SPINK13: variants seen among roughly 807,000 people sequenced by gnomAD.
SPINK13 encodes the protein serine peptidase inhibitor Kazal type 13, also known as serine protease inhibitor Kazal-type 13.
Under a neutral mutation model 11.0 loss-of-function variants are expected in SPINK13, and 11 were observed. The ratio of observed to expected loss-of-function variants is 1.00; its 90% confidence interval spans 0.63 to 1.65. SPINK13 has a LOEUF of 1.65. Among genes scored for constraint, SPINK13 ranks in the 40% most tolerant of loss-of-function variants. SPINK13 has a pLI of 0.00. For synonymous variants in SPINK13, 31 were observed against 35.6 expected (o/e 0.87, Z 0.46); for missense variants, 113 against 117.7 (o/e 0.96, Z 0.19).
chr5:148,271,745 C>T (rs1259428701), intron 2 of SPINK13, among the ~76,000 whole-genome samples: 1 of 152,178 alleles, frequency 6.6e-6, no homozygotes, highest in African/African-American at 2.4e-5. Flanking sequence ...CTGCCTCAGC[C>T]TCCCGAGTAG....
intron 1 of SPINK13, 59 bp downstream of exon 1, chr5:148,268,947 C>T (rs7734352): frequency 0.14 from 22,133 of 152,690 alleles, 3,702 homozygotes; most frequent in African/African-American, 0.4. Flanking sequence ...TCTCTTCAGC[C>T]TTCCTCTCTG....
chr5:148,273,260 AT>A (rs1228008024), intron 2 of SPINK13, among the ~76,000 whole-genome samples: 1 of 150,924 alleles, frequency 6.6e-6, no homozygotes, highest in Admixed American at 6.6e-5. Flanking sequence ...GTATATGTTT[AT>A]TTTTTGCCAG....
Position 148,282,018 on chromosome 5 carries a change from AT to A in SPINK13, c.109-80del, listed in dbSNP as rs11296930. 78,765 of 1,551,514 alleles carry A rather than the reference AT, an allele frequency of 0.051. 19,388 individuals carry two copies. In the African/African-American group the frequency reaches 0.68, roughly 13 times the overall value. On this transcript the variant is annotated intron_variant, in intron 3 of 4. Transcript: ENST00000398450. ...CAATTGACTGGTATGATTTAATATT[AT>A]TTTTTAAGTGGGGCAGAAGTGACAG...
rs537299386 is a variant in SPINK13 at position 148,277,132 on chromosome 5, C to T, written c.108+2748C>T. On this transcript the variant is annotated intron_variant, in intron 3 of 4. Coordinates refer to ENST00000398450, the MANE Select transcript of SPINK13 (RefSeq NM_001040129.3). Reference sequence around the variant, plus strand: ...GATTTTTGCACATTGATTTTGTATCCTGAGACTTTGCTGAAGTTGCTTATC... The same window carrying T: ...GATTTTTGCACATTGATTTTGTATCTTGAGACTTTGCTGAAGTTGCTTATC... Among the ~76,000 whole-genome samples the T allele has an allele frequency of 5.9e-5, 9 of 152,232 alleles. No homozygotes were observed. The South Asian group carries it at 1.9e-3, about 32-fold the overall frequency.
intron 3 of SPINK13, among the ~76,000 whole-genome samples, chr5:148,279,658 T>C (rs2113371850): frequency 6.6e-6 from 1 of 152,296 alleles, no homozygotes; most frequent in South Asian, 2.1e-4. Flanking sequence ...CACTGTTAGT[T>C]TGATGGGCTT....
In SPINK13 at chr5:148,282,184, A is replaced by G; in HGVS notation, c.189A>G (p.Ser63=). 6.2e-7 allele frequency: 1 copy of G among 1,614,220 alleles called. No individual in the cohort carries two copies. The highest frequency in any genetic ancestry group is 8.5e-7 in the Non-Finnish European group (1 of 1,180,034). Residue 63 remains serine, a synonymous_variant, in exon 4 of 5, where the codon TCA becomes TCG. Coordinates refer to ENST00000398450, the MANE Select transcript of SPINK13 (RefSeq NM_001040129.3). ...CPNVTAPVCA[S]NGHTFQNECF... ...ATGTGACAGCACCTGTTTGTGCCTC[A>G]AATGGCCACACTTTCCAGAATGAGT...
rs200767838 is a variant in SPINK13 at position 148,269,379 on chromosome 5, A to C, written c.-34+491A>C. On this transcript the variant is annotated intron_variant, in intron 1 of 4. Transcript: ENST00000398450. ...CTAGCATCTCACTCAATTCAAGGTC[A>C]TATGTCATATGTTTTTTGTTTTTTT... Among the ~76,000 whole-genome samples, 13 of 152,278 alleles carry C rather than the reference A, an allele frequency of 8.5e-5. No homozygotes were observed. In the East Asian group the frequency reaches 2.3e-3, roughly 27 times the overall value.
intron 3 of SPINK13, among the ~76,000 whole-genome samples, chr5:148,280,371 G>C (rs1434766003): frequency 6.6e-6 from 1 of 152,104 alleles, no homozygotes; most frequent in Non-Finnish European, 1.5e-5. Context: ...GGCTTTCTGA[G>C]CTTTGAAATT....
chr5:148,281,620 G>A (rs1255031936), intron 3 of SPINK13, among the ~76,000 whole-genome samples: 1 of 152,156 alleles, frequency 6.6e-6, no homozygotes, highest in African/African-American at 2.4e-5. Context: ...TGTACCCACT[G>A]TCTAACCAGT....
chr5:148,272,466 T>C (rs1319726132), intron 2 of SPINK13, among the ~76,000 whole-genome samples: 6 of 152,220 alleles, frequency 3.9e-5, no homozygotes, highest in Non-Finnish European at 8.8e-5. Flanking sequence ...TTAGTATGGT[T>C]TGTGGAAAGG....
intron 3 of SPINK13, among the ~76,000 whole-genome samples, chr5:148,281,440 T>A (rs1756513443): frequency 6.6e-6 from 1 of 152,140 alleles, no homozygotes; most frequent in African/African-American, 2.4e-5. Flanking sequence ...AATCTCCTGG[T>A]CTGCAGGTTG....
At chr5:148,281,296 T>A (rs113510074) in intron 3 of SPINK13, among the ~76,000 whole-genome samples, 12,741 of 152,082 alleles carry the variant, frequency 0.084, 1,512 homozygotes, top group African/African-American at 0.26. Flanking sequence ...AGTGAACAGT[T>A]CTGTCTCCCT....
At position 148,282,104 on chromosome 5, in the gene SPINK13, C is replaced by T. The variant is rs1756524251; in HGVS notation, c.109C>T (p.Pro37Ser). The T allele has an allele frequency of 1.2e-6, 2 of 1,613,968 alleles. No homozygotes were observed. Among genetic ancestry groups the T allele is most frequent in the Non-Finnish European group, 1.7e-6 (2 of 1,179,922 alleles). Reference protein sequence around the residue: ...NKRDFTRWPKPRCKMYIPLDP... With the variant: ...NKRDFTRWPKSRCKMYIPLDP... ...ACTTTATGGTGTCATGTATTTGCAG[C>T]CCCGATGTAAAATGTATATCCCACT... Residue 37 changes from proline (P) to serine (S), a missense_variant and splice_region_variant, in exon 4 of 5, where the codon CCC becomes TCC. Physicochemically the swap from Pro to Ser is moderately conservative, Grantham distance 74. Transcript: ENST00000398450.
At chr5:148,283,562 A>G (rs1458347985) in intron 4 of SPINK13, among the ~76,000 whole-genome samples, 3 of 152,196 alleles carry the variant, frequency 2.0e-5, no homozygotes, top group Admixed American at 6.5e-5. Context: ...ATTTCAGAGG[A>G]TAATTGAAAT....
chr5:148,269,979 C>A, intron 1 of SPINK13, 61 bp from the exon 2 acceptor site: 2 of 1,217,304 alleles, frequency 1.6e-6, no homozygotes, highest in South Asian at 1.3e-5. Context: ...GTATTGTGTT[C>A]TCTCACATTG....
intron 1 of SPINK13, among the ~76,000 whole-genome samples, chr5:148,269,822 C>G (rs553948628): frequency 6.6e-6 from 1 of 151,162 alleles, no homozygotes; most frequent in South Asian, 2.1e-4. Flanking sequence ...TGATTGTCAG[C>G]TAGTTTTTGG....
intron 1 of SPINK13, 77 bp downstream of exon 1, chr5:148,268,965 G>A (rs1756306412): frequency 6.6e-6 from 1 of 152,502 alleles, no homozygotes; most frequent in Non-Finnish European, 1.5e-5. Context: ...CTGTCAGTGG[G>A]TTTCCCTCTT....
chr5:148,274,375 G>A lies in SPINK13; in HGVS notation c.99G>A (p.Arg33=). The A allele has an allele frequency of 6.2e-7, 1 of 1,611,346 alleles. No individual in the cohort carries two copies. Among genetic ancestry groups the A allele is most frequent in the Non-Finnish European group, 8.5e-7 (1 of 1,178,086 alleles). The change falls in exon 3 of 5, where the codon AGG becomes AGA. Residue 33 remains arginine, a synonymous_variant. Transcript: ENST00000398450. ...TTTTCAATAAACGTGACTTCACTAG[G>A]TGGCCTAAGGTAAATTTAAATTTCT... ...SGIFNKRDFT[R]WPKPRCKMYI...
chr5:148,281,639 G>C (rs1756516248), intron 3 of SPINK13, among the ~76,000 whole-genome samples: 1 of 152,190 alleles, frequency 6.6e-6, no homozygotes, highest in Non-Finnish European at 1.5e-5. Context: ...GTTCCAGTGA[G>C]ATAAGTCAGG....
Sources: gnomAD v4.1 joint callset for allele counts (sites outside exome capture counted in the v4.1 genomes callset) on GRCh38, gnomAD v4.1.1 for gene constraint, MANE v1.5 for transcripts, NCBI Gene and HGNC (gene_info 2026-07-23, HGNC 2026-07-21) for gene names.